Variants in ENOX1 observed in about 807,000 individuals in gnomAD.
The protein encoded by ENOX1 is candidate growth-related and time keeping constitutive hydroquinone (NADH) oxidase.
A neutral mutation model predicts 82.5 loss-of-function variants in ENOX1; 42 were observed. The ratio of observed to expected loss-of-function variants is 0.51; its 90% CI spans 0.40 to 0.66. The LOEUF is 0.66. Among genes scored for constraint, ENOX1 ranks in the 30% least tolerant of loss-of-function variants. The pLI, the probability that ENOX1 is intolerant of heterozygous loss-of-function variation, is 0.00. For missense variants in ENOX1, 608 were observed against 811.6 expected (o/e 0.75, Z 3.05); for synonymous variants, 271 against 282.2 (o/e 0.96, Z 0.40).
rs567377888 is a variant in ENOX1, at chr13:43,747,779, C to T, written c.-285+38873G>A. Among the ~76,000 whole-genome samples, 4 of 152,292 alleles carry T rather than the reference C, an allele frequency of 2.6e-5. No individual in the cohort carries two copies. The East Asian group carries it at 7.7e-4, about 29-fold the overall frequency. ...GAAGGATATAAGATTCAGCAATACCCTCTGGACTACAGTTTGTTAATTCAG... is the reference window on the plus strand; with the variant it reads ...GAAGGATATAAGATTCAGCAATACCTTCTGGACTACAGTTTGTTAATTCAG... On this transcript the variant is annotated intron_variant, in intron 1 of 16. Coordinates refer to ENST00000690772, the MANE Select transcript of ENOX1 (RefSeq NM_001347969.2).
At chr13:43,721,719 G>A (rs886785096) in intron 1 of ENOX1, among the ~76,000 whole-genome samples, 1 of 151,900 alleles carries the variant, frequency 6.6e-6, no homozygotes, top group East Asian at 1.9e-4. Flanking sequence ...CCTGCTTTTT[G>A]CACAAGGGGC....
At chr13:43,301,118 C>G (rs2046551637) in intron 11 of ENOX1, among the ~76,000 whole-genome samples, 1 of 152,214 alleles carries the variant, frequency 6.6e-6, no homozygotes, top group African/African-American at 2.4e-5. Flanking sequence ...AGGCACATTA[C>G]TACATTTAGT....
chr13:43,722,367 T>A (rs2088637644), intron 1 of ENOX1, among the ~76,000 whole-genome samples: 1 of 152,148 alleles, frequency 6.6e-6, no homozygotes, highest in Non-Finnish European at 1.5e-5. Context: ...CAGAGGGATG[T>A]AGGTTTAAGA....
chr13:43,354,147 T>C (rs961526258), intron 8 of ENOX1, among the ~76,000 whole-genome samples: 2 of 152,210 alleles, frequency 1.3e-5, no homozygotes, highest in Non-Finnish European at 2.9e-5. Context: ...AGAAAAATTA[T>C]TGTTCCAGTG....
intron 9 of ENOX1, among the ~76,000 whole-genome samples, chr13:43,334,100 T>C (rs1426564343): frequency 1.3e-5 from 2 of 152,204 alleles, no homozygotes; most frequent in Admixed American, 1.3e-4. Flanking sequence ...ACTCTAGGGA[T>C]GGGGCCCAAC....
At chr13:43,340,342 G>C (rs1367384770) in intron 9 of ENOX1, among the ~76,000 whole-genome samples, 1 of 152,188 alleles carries the variant, frequency 6.6e-6, no homozygotes, top group Non-Finnish European at 1.5e-5. Context: ...GAAAGATCTT[G>C]GCTGTCAAAG....
At chr13:43,308,010 C>T (rs545255163) in intron 11 of ENOX1, among the ~76,000 whole-genome samples, 3 of 152,330 alleles carry the variant, frequency 2.0e-5, no homozygotes, top group East Asian at 3.9e-4. Context: ...TTCTCCTTGG[C>T]GAGTGGCCAG....
intron 5 of ENOX1, among the ~76,000 whole-genome samples, chr13:43,377,160 G>A (rs760049444): frequency 5.3e-5 from 8 of 152,194 alleles, no homozygotes; most frequent in Non-Finnish European, 8.8e-5. Context: ...CTCATGAAGG[G>A]ATTAATGCTT....
chr13:43,734,073 AG>A (rs1188257679), intron 1 of ENOX1, among the ~76,000 whole-genome samples: 1 of 152,226 alleles, frequency 6.6e-6, no homozygotes, highest in African/African-American at 2.4e-5. Context: ...GAAAGCCTCA[AG>A]GACTTCGGAC....
chr13:43,702,953 CAAAAAAAAAAAAAAA>C (rs60810191), intron 1 of ENOX1, among the ~76,000 whole-genome samples: 4 of 51,010 alleles, frequency 7.8e-5, no homozygotes, highest in East Asian at 7.3e-4. Context: ...GACTCTGTCT[CAAAAAAAAAAAAAAA>C]AAAAAAAAAA....
At chr13:43,534,058 C>T (rs2078346232) in intron 2 of ENOX1, among the ~76,000 whole-genome samples, 1 of 152,084 alleles carries the variant, frequency 6.6e-6, no homozygotes, top group African/African-American at 2.4e-5. Context: ...TGAATTTGTC[C>T]TCCAAAAATT....
chr13:43,273,153 C>T (rs1431702900), intron 12 of ENOX1, among the ~76,000 whole-genome samples: 4 of 152,170 alleles, frequency 2.6e-5, no homozygotes, highest in Non-Finnish European at 5.9e-5. Flanking sequence ...CTTCCCACCC[C>T]AACCAGTCTA....
At chr13:43,473,507 T>C (rs1306644701) in intron 3 of ENOX1, among the ~76,000 whole-genome samples, 1 of 152,224 alleles carries the variant, frequency 6.6e-6, no homozygotes, top group East Asian at 1.9e-4. Context: ...TTGCCTATAG[T>C]ATTTATTCAA....
At chr13:43,357,491 A>C (rs1454189110) in intron 7 of ENOX1, among the ~76,000 whole-genome samples, 3 of 152,196 alleles carry the variant, frequency 2.0e-5, no homozygotes, top group East Asian at 1.9e-4. Flanking sequence ...CCAATCAAAA[A>C]CAAAAACATC....
intron 1 of ENOX1, among the ~76,000 whole-genome samples, chr13:43,723,114 T>C (rs2088688011): frequency 6.6e-6 from 1 of 152,212 alleles, no homozygotes; most frequent in Non-Finnish European, 1.5e-5. Flanking sequence ...AAAGGATTCC[T>C]GAACACAGAT....
intron 2 of ENOX1, among the ~76,000 whole-genome samples, chr13:43,665,648 C>T (rs962922433): frequency 2.0e-5 from 3 of 151,718 alleles, no homozygotes; most frequent in African/African-American, 4.8e-5. Flanking sequence ...GTTCAACCTG[C>T]GATGCCAACA....
rs1484047908 is a variant in ENOX1 at position 43,265,804 on chromosome 13, T to C, written c.1555-350A>G. Among the ~76,000 whole-genome samples the C allele has an allele frequency of 3.3e-5, 5 of 152,378 alleles. No homozygotes were observed. In the East Asian group the frequency reaches 9.6e-4, roughly 29 times the overall value. On this transcript the variant is annotated intron_variant, in intron 13 of 16. Transcript: ENST00000690772. ...ATTGCTATTAATTTAAACCCTGCAG[T>C]GTTTGCAAGTTGCCACCAGCAAAAT... is the stretch of plus-strand genomic sequence containing the variant.
intron 13 of ENOX1, among the ~76,000 whole-genome samples, chr13:43,266,342 G>A (rs868346355): frequency 6.6e-6 from 1 of 152,122 alleles, no homozygotes. Flanking sequence ...TACCACCAAT[G>A]TGTTTGATTC....
In ENOX1 at chr13:43,603,494, G is replaced by A. The variant is rs555246417; in HGVS notation, c.-219+63985C>T. Among the ~76,000 whole-genome samples, 10 of 150,672 alleles carry A rather than the reference G, an allele frequency of 6.6e-5. No individual in the cohort carries two copies. The South Asian group carries it at 1.1e-3, about 16-fold the overall frequency. On this transcript the variant is annotated intron_variant, in intron 2 of 16. Coordinates refer to ENST00000690772, the MANE Select transcript of ENOX1 (RefSeq NM_001347969.2). ...GCTGGTGTGCTGCACCCATTAACTC[G>A]TCATTCAGCATTAGGTATATCTCCT...
Sources: gnomAD v4.1 joint callset for allele counts (sites outside exome capture counted in the v4.1 genomes callset) on GRCh38, gnomAD v4.1.1 for gene constraint, MANE v1.5 for transcripts, NCBI Gene and HGNC (gene_info 2026-07-23, HGNC 2026-07-21) for gene names.